The following BRD1 variants were observed in gnomAD, a reference collection of about 807,000 sequenced individuals.
The protein encoded by BRD1 is bromodomain-containing protein 1.
BRD1 carries 24 observed loss-of-function variants against 107.7 expected under a neutral mutation model. The ratio of observed to expected loss-of-function variants is 0.22; its 90% CI spans 0.16 to 0.31. BRD1 has a LOEUF of 0.31. Ranked by LOEUF, BRD1 falls within the 10% of genes least tolerant of loss-of-function variation. BRD1 has a pLI of 1.00. For synonymous variants in BRD1, 744 were observed against 686.1 expected, an observed-to-expected ratio of 1.08 and a Z score of -1.32; for missense variants, 1,279 against 1,638.6, an observed-to-expected ratio of 0.78 and a Z score of 3.79.
intron 2 of BRD1, among the ~76,000 whole-genome samples, chr22:49,811,614 C>T (rs1488037510): frequency 6.6e-6 from 1 of 152,210 alleles, no homozygotes; most frequent in Non-Finnish European, 1.5e-5. Flanking sequence ...ACTGTGATCA[C>T]GCTGCTCAGA....
At position 49,827,573 on chromosome 22, in the gene BRD1, G is replaced by A. The variant is rs1266807330; in HGVS notation, c.-91C>T. ...CGGCGCGGCCGAGGCGGTGCTAATG[G>A]CGCCCGCGGCTCCTCCGCCAACGGC... On this transcript the variant is annotated 5_prime_UTR_variant, in exon 1 of 13. Coordinates refer to ENST00000404760, the MANE Select transcript of BRD1 (RefSeq NM_001304808.3). The A allele has an allele frequency of 2.8e-5, 4 of 144,790 alleles. No individual in the cohort carries two copies. The highest frequency in any genetic ancestry group is 4.6e-5 in the Non-Finnish European group (3 of 65,304). 9.0% of individuals were successfully genotyped at this position (144,790 alleles called of 1,614,324 possible). A position where few individuals can be genotyped will look rare whatever the true frequency, so the allele number is the denominator to read the frequency against.
intron 7 of BRD1, among the ~76,000 whole-genome samples, chr22:49,793,560 G>A (rs1240868112): frequency 6.6e-6 from 1 of 152,202 alleles, no homozygotes; most frequent in African/African-American, 2.4e-5. Context: ...CAACATCAGG[G>A]AGGAGTGTTT....
At position 49,821,190 on chromosome 22, in the gene BRD1, CGGCCCGGCCA is replaced by C. The variant is rs904088433; in HGVS notation, c.1367+1751_1367+1760del. ...CAGGAGCCAAAGAACAGAGAGCGTG[CGGCCCGGCCA>C]GGCCCGGCCTCTCCCAGAGCAGGTC... On this transcript the variant is annotated intron_variant, in intron 2 of 12. Transcript: ENST00000404760. Among the ~76,000 whole-genome samples the C allele has an allele frequency of 7.9e-5, 12 of 152,276 alleles. No individual in the cohort carries two copies. In the East Asian group the frequency reaches 1.2e-3, roughly 15 times the overall value.
rs1601667147 is a variant in BRD1 at position 49,797,749 on chromosome 22, A to G, written c.2098+56T>C. ...GGGAGCTGGCAACACAGAGCAGGAC[A>G]GAGTCTGCTAGAAAGAGCGTCTTCC... On this transcript the variant is annotated intron_variant, in intron 6 of 12. Transcript: ENST00000404760. 12 of 1,514,448 alleles carry G rather than the reference A, an allele frequency of 7.9e-6. No homozygotes were observed. The East Asian group carries it at 2.7e-4, about 34-fold the overall frequency. 93.8% of individuals were successfully genotyped at this position (1,514,448 alleles called of 1,614,324 possible).
rs774544377 is a variant in BRD1, at chr22:49,794,071, C to T, written c.2322G>A (p.Glu774=). The change falls in exon 7 of 13, where the codon GAG becomes GAA. Residue 774 remains glutamate (E), a synonymous_variant. Coordinates refer to ENST00000404760, the MANE Select transcript of BRD1 (RefSeq NM_001304808.3). The stretch of plus-strand genomic sequence containing the variant: ...CCTCCGGCCCCAGCGCAGCTCCGTC[C>T]TCTTCGAAGCCTTCCAAGCCTGGCC... ...PTGPGLEGFE[E]DGAALGPEAG... is the part of the protein sequence containing the mutation. The T allele has an allele frequency of 1.9e-6, 3 of 1,614,142 alleles. No individual in the cohort carries two copies. The highest frequency in any genetic ancestry group is 2.5e-6 in the Non-Finnish European group (3 of 1,180,032).
intron 2 of BRD1, among the ~76,000 whole-genome samples, chr22:49,815,880 G>A (rs535496289): frequency 2.6e-5 from 4 of 152,268 alleles, no homozygotes; most frequent in Admixed American, 6.5e-5. Flanking sequence ...CCGAGTGCCC[G>A]CCACTCCAGA....
chr22:49,817,593 A>T, intron 2 of BRD1: 1 of 211,504 alleles, frequency 4.7e-6, no homozygotes, highest in Non-Finnish European at 1.1e-5. Flanking sequence ...ATCCAACCAC[A>T]TCGCTCTGCA....
Position 49,777,773 on chromosome 22 carries a change from C to T in BRD1, c.2898G>A (p.Glu966=), listed in dbSNP as rs1431294892. The T allele has an allele frequency of 3.1e-6, 5 of 1,604,386 alleles. No homozygotes were observed. Among genetic ancestry groups the T allele is most frequent in the Non-Finnish European group, 4.2e-6 (5 of 1,177,846 alleles). ...NGFGGARSEQ[E]PGGGLGRKAT... is the part of the protein sequence containing the mutation. ...CCTTCCTCCCCAGGCCGCCGCCCGG[C>T]TCCTGCTCGCTCCTCGCACCCCCAA... The change falls in exon 9 of 13, where the codon GAG becomes GAA. Residue 966 remains glutamate (E), a synonymous_variant. Coordinates refer to ENST00000404760, the MANE Select transcript of BRD1 (RefSeq NM_001304808.3).
In BRD1 at chr22:49,827,785, C is replaced by T. The variant is rs2060162316; in HGVS notation, c.-303G>A. On this transcript the variant is annotated 5_prime_UTR_variant, in exon 1 of 13. Transcript: ENST00000404760. ...GCGGGCGCGGGCGCGGGCGCGGGAG[C>T]GGGCGGCGGGCGGCGGGCGCGGGAC... 1.4e-5 allele frequency among the ~76,000 whole-genome samples: 2 copies of T among 143,468 alleles called. No homozygotes were observed. Among genetic ancestry groups the T allele is most frequent in the East Asian group, 4.1e-4 (2 of 4,850 alleles). The allele number at this position is 143,468 out of a possible 152,430, so 94.1% of individuals were successfully genotyped here.
intron 3 of BRD1, among the ~76,000 whole-genome samples, chr22:49,799,763 A>T (rs1459612662): frequency 6.6e-6 from 1 of 152,212 alleles, no homozygotes; most frequent in Non-Finnish European, 1.5e-5. Context: ...CCCAGCCAAC[A>T]TCCACACCAG....
chr22:49,814,128 G>A (rs997441849), intron 2 of BRD1, among the ~76,000 whole-genome samples: 4 of 152,190 alleles, frequency 2.6e-5, no homozygotes, highest in African/African-American at 7.2e-5. Context: ...GGCCAGGTGC[G>A]TATAACTTCT....
At chr22:49,809,612 A>G (rs906411528) in intron 2 of BRD1, among the ~76,000 whole-genome samples, 1 of 152,104 alleles carries the variant, frequency 6.6e-6, no homozygotes, top group Non-Finnish European at 1.5e-5. Flanking sequence ...GAAGCTGGAC[A>G]TAAGGAAAAT....
intron 2 of BRD1, among the ~76,000 whole-genome samples, chr22:49,810,357 A>AAT (rs1482367445): frequency 5.9e-5 from 9 of 152,054 alleles, no homozygotes; most frequent in East Asian, 3.9e-4. Flanking sequence ...CAGCTCTTAA[A>AAT]ATATATATAT....
chr22:49,824,301 C>T lies in BRD1; in HGVS notation c.17G>A (p.Arg6Gln), dbSNP rs756935750. ...CCTCGCTGCAGAGCCTCGATGACAT[C>T]GTCCTTTCCTCCTCATTTGGTAATG... MRRKG[R>Q]CHRGSAARHP... Residue 6 changes from arginine (R) to glutamine (Q), a missense_variant, in exon 2 of 13, where the codon CGA becomes CAA. By Grantham distance (43) the Arg-to-Gln change is conservative (BLOSUM62 1). Around this residue, in one of 7 missense-constraint regions of BRD1, gnomAD observed 223 missense variants for 263.5 expected, o/e 0.85. Transcript: ENST00000404760. The surrounding 1 kb of genome is among the most constrained non-coding windows in gnomAD (Gnocchi z 5.9). The T allele has an allele frequency of 9.3e-6, 15 of 1,612,548 alleles. No homozygotes were observed. The highest frequency in any genetic ancestry group is 1.2e-5 in the Non-Finnish European group (14 of 1,178,978).
In BRD1 at chr22:49,774,058, G is replaced by A. The variant is rs1024164723; in HGVS notation, c.*175C>T. The stretch of plus-strand genomic sequence containing the variant: ...CCCGGACGTGCCCACCCCACTCACA[G>A]CGCCCAGACGGAGATGGGTTCCTAG... On this transcript the variant is annotated 3_prime_UTR_variant, in exon 13 of 13. Transcript: ENST00000404760. The A allele has an allele frequency of 8.1e-6, 7 of 861,220 alleles. No individual in the cohort carries two copies. The highest frequency in any genetic ancestry group is 3.0e-5 in the Admixed American group (1 of 33,118). The allele number at this position is 861,220 out of a possible 1,614,324, so 53.3% of individuals were successfully genotyped here. A position where few individuals can be genotyped will look rare whatever the true frequency, so the allele number is the denominator to read the frequency against.
intron 8 of BRD1, among the ~76,000 whole-genome samples, chr22:49,780,357 C>T (rs1356503103): frequency 2.6e-5 from 4 of 152,250 alleles, no homozygotes; most frequent in South Asian, 2.1e-4. Context: ...GCGCGTATGA[C>T]GCAAGAACAC....
At chr22:49,794,434 A>T in intron 6 of BRD1, 140 bp from the exon 7 acceptor site, 2 of 1,097,738 alleles carry the variant, frequency 1.8e-6, no homozygotes, top group Non-Finnish European at 1.3e-6. Flanking sequence ...CCTGCTCACC[A>T]GAGGCCCCTC....
At chr22:49,775,555 C>CA in intron 12 of BRD1, 36 bp downstream of exon 12, 1 of 1,412,554 alleles carries the variant, frequency 7.1e-7, no homozygotes, top group Non-Finnish European at 9.3e-7. Flanking sequence ...CCAACCACCC[C>CA]AGCCGGTCCC....
At chr22:49,780,832 G>A (rs2059192528) in intron 8 of BRD1, among the ~76,000 whole-genome samples, 1 of 152,232 alleles carries the variant, frequency 6.6e-6, no homozygotes, top group African/African-American at 2.4e-5. Context: ...ACATTCTGAA[G>A]CCCAGGCCAG....
Sources: allele counts gnomAD v4.1 joint callset (sites outside exome capture counted in the v4.1 genomes callset), GRCh38; gene constraint gnomAD v4.1.1; regional missense constraint gnomAD v4.1.1; non-coding constraint Gnocchi (gnomAD v3.1); transcripts MANE v1.5; gene names NCBI Gene and HGNC (gene_info 2026-07-23, HGNC 2026-07-21).